The following KLRK1 variants were observed in gnomAD, a reference collection of about 807,000 sequenced individuals.
The protein encoded by KLRK1 is killer cell lectin like receptor K1.
In KLRK1, 40 loss-of-function variants were observed where a neutral mutation model predicts 31.3. The ratio of observed to expected loss-of-function variants is 1.28; its 90% CI spans 0.99 to 1.67. The LOEUF is 1.67. KLRK1 is among the 40% of genes most tolerant of loss of function. The pLI, the probability that KLRK1 is intolerant of heterozygous loss-of-function variation, is 0.00. For missense variants in KLRK1, 251 were observed against 260.0 expected, an observed-to-expected ratio of 0.97 and a Z score of 0.24; for synonymous variants, 77 against 77.3, an observed-to-expected ratio of 1.00 and a Z score of 0.02.
intron 3 of KLRK1, among the ~76,000 whole-genome samples, chr12:10,380,060 T>G (rs1239866729): frequency 1.7e-4 from 2 of 11,542 alleles, no homozygotes; most frequent in African/African-American, 2.9e-4. Context: ...GTTGTTATTG[T>G]TTTTTTTTTT....
Position 10,379,795 on chromosome 12 carries a change from G to T in KLRK1, c.149-3C>A. On this transcript the variant is annotated splice_region_variant and splice_polypyrimidine_tract_variant and intron_variant, in intron 3 of 7. Transcript: ENST00000240618. Reference sequence around the variant, plus strand: ...GCAGCAGAAAAAAAATGGAGATGCTGTCAAAGAAAAAAGACACAGATCAGA... The same window carrying T: ...GCAGCAGAAAAAAAATGGAGATGCTTTCAAAGAAAAAAGACACAGATCAGA... The T allele has an allele frequency of 6.2e-7, 1 of 1,609,568 alleles. No individual in the cohort carries two copies. Among genetic ancestry groups the T allele is most frequent in the Middle Eastern group, 1.7e-4 (1 of 6,022 alleles).
intron 7 of KLRK1, among the ~76,000 whole-genome samples, chr12:10,373,701 T>C (rs1448518642): frequency 8.1e-6 from 1 of 123,954 alleles, no homozygotes; most frequent in Non-Finnish European, 1.7e-5. Context: ...TATAAGTGTG[T>C]GTGTGTGTGT....
chr12:10,387,575 C>CTT (rs778380250), intron 2 of KLRK1, among the ~76,000 whole-genome samples: 2 of 142,824 alleles, frequency 1.4e-5, no homozygotes, highest in African/African-American at 2.6e-5. Context: ...TTCTTCTTTT[C>CTT]TTTTTTTTTT....
rs1863219439 is a variant in KLRK1, at chr12:10,388,878, G to C, written c.-65-3C>G. ...AGTCTTCAATGCACAAAGGATTCCTGAATAAAATAAAACTGGGCATTTGTT... is the reference window on the plus strand; with the variant it reads ...AGTCTTCAATGCACAAAGGATTCCTCAATAAAATAAAACTGGGCATTTGTT... On this transcript the variant is annotated splice_region_variant and splice_polypyrimidine_tract_variant and intron_variant, in intron 1 of 7. Transcript: ENST00000240618. The C allele has an allele frequency of 6.3e-7, 1 of 1,578,868 alleles. No individual in the cohort carries two copies. The highest frequency in any genetic ancestry group is 8.7e-7 in the Non-Finnish European group (1 of 1,152,410).
chr12:10,376,498 G>T (rs2733851), intron 7 of KLRK1, among the ~76,000 whole-genome samples: 1 of 151,910 alleles, frequency 6.6e-6, no homozygotes, highest in Admixed American at 6.6e-5. Flanking sequence ...GAAACAAAAA[G>T]TAGTATCTCA....
chr12:10,385,367 G>GACACACACACACACACACAC (rs3055416), intron 3 of KLRK1, among the ~76,000 whole-genome samples: 1,946 of 145,728 alleles, frequency 0.013, 53 homozygotes, highest in African/African-American at 0.046. Flanking sequence ...AGCACACACA[G>GACACACACACACACACACAC]ACACACACAC....
At chr12:10,382,866 AGTT>A (rs1863101257) in intron 3 of KLRK1, among the ~76,000 whole-genome samples, 3 of 152,170 alleles carry the variant, frequency 2.0e-5, no homozygotes. Flanking sequence ...TAAAGTGTAG[AGTT>A]GTTTAGTTTT....
Position 10,388,766 on chromosome 12 carries a change from C to T in KLRK1, c.40+5G>A. The T allele has an allele frequency of 6.2e-7, 1 of 1,613,638 alleles. No homozygotes were observed. Among genetic ancestry groups the T allele is most frequent in the South Asian group, 1.1e-5 (1 of 91,070 alleles). ...AAACTACACACTTATGTGGTAAAAA[C>T]ATACCCCAGCTGTGTCGAGACCTCC... On this transcript the variant is annotated splice_donor_5th_base_variant and intron_variant, in intron 2 of 7. Coordinates refer to ENST00000240618, the MANE Select transcript of KLRK1 (RefSeq NM_007360.4).
At chr12:10,385,806 G>A (rs1361251750) in intron 3 of KLRK1, among the ~76,000 whole-genome samples, 1 of 151,984 alleles carries the variant, frequency 6.6e-6, no homozygotes, top group East Asian at 1.9e-4. Context: ...GGTGATGGGT[G>A]TGCTAATTAC....
chr12:10,373,950 C>G (rs1352066822), intron 7 of KLRK1: 1 of 152,156 alleles, frequency 6.6e-6, no homozygotes. Flanking sequence ...ATGTAATGAT[C>G]TCTGTTCTGT....
Position 10,373,029 on chromosome 12 carries a change from T to A in KLRK1, c.*85A>T. ...TTGGTCATTTTGTCCTGTTTTTGTT[T>A]GTTTCCTTTAGTCTCAGTTGGCAGT... On this transcript the variant is annotated 3_prime_UTR_variant, in exon 8 of 8. Transcript: ENST00000240618. The A allele has an allele frequency of 8.1e-7, 1 of 1,227,386 alleles. No individual in the cohort carries two copies. Among genetic ancestry groups the A allele is most frequent in the Non-Finnish European group, 1.2e-6 (1 of 854,064 alleles). The allele number at this position is 1,227,386 out of a possible 1,614,324, so 76.0% of individuals were successfully genotyped here.
At chr12:10,379,843 G>C in intron 3 of KLRK1, 51 bp from the exon 4 acceptor site, 2 of 1,484,652 alleles carry the variant, frequency 1.3e-6, no homozygotes, top group Non-Finnish European at 1.8e-6. Context: ...AAAGGTTTGG[G>C]TATCTTTGTA....
chr12:10,382,858 A>C (rs1863100761), intron 3 of KLRK1, among the ~76,000 whole-genome samples: 1 of 152,186 alleles, frequency 6.6e-6, no homozygotes, highest in Non-Finnish European at 1.5e-5. Flanking sequence ...GATGGAGTTA[A>C]AGTGTAGAGT....
chr12:10,387,735 G>A (rs972251450), intron 2 of KLRK1, among the ~76,000 whole-genome samples: 28 of 151,944 alleles, frequency 1.8e-4, no homozygotes, highest in Middle Eastern at 6.8e-3. Flanking sequence ...TAGTACAGAC[G>A]GGGTTTCACC....
rs57195493 is a variant in KLRK1 at position 10,376,810 on chromosome 12, CTTAT to C, written c.533+1318_533+1321del. Among the ~76,000 whole-genome samples the C allele has an allele frequency of 4.3e-3, 649 of 149,824 alleles. 2 individuals are homozygous for C. The highest frequency in any genetic ancestry group is 0.015 in the African/African-American group (600 of 40,832). ...CATCATTTAGTGTGTCTGAAATTTA[CTTAT>C]TTATTTATTTATTTATTTATGAGAC... is the stretch of plus-strand genomic sequence containing the variant. On this transcript the variant is annotated intron_variant, in intron 7 of 7. Coordinates refer to ENST00000240618, the MANE Select transcript of KLRK1 (RefSeq NM_007360.4).
Position 10,379,487 on chromosome 12 carries a change from T to A in KLRK1, c.242-5A>T. ...GAACTTCTTGGTTGAATAATGCTAT[T>A]AAAATAACCATAAGTATTAAAAGTT... On this transcript the variant is annotated splice_region_variant and splice_polypyrimidine_tract_variant and intron_variant, in intron 4 of 7. Coordinates refer to ENST00000240618, the MANE Select transcript of KLRK1 (RefSeq NM_007360.4). The A allele has an allele frequency of 6.8e-7, 1 of 1,469,726 alleles. No homozygotes were observed. Among genetic ancestry groups the A allele is most frequent in the Non-Finnish European group, 9.3e-7 (1 of 1,074,816 alleles). The allele number at this position is 1,469,726 out of a possible 1,614,324, so 91.0% of individuals were successfully genotyped here. A position where few individuals can be genotyped will look rare whatever the true frequency, so the allele number is the denominator to read the frequency against.
In KLRK1 at chr12:10,375,830, G is replaced by T. The variant is rs76709223; in HGVS notation, c.533+2302C>A. Among the ~76,000 whole-genome samples, 271 of 152,242 alleles carry T rather than the reference G, an allele frequency of 1.8e-3. 1 individual carries two copies. Among genetic ancestry groups the T allele is most frequent in the Non-Finnish European group, 3.3e-3 (222 of 68,002 alleles). ...TGGAGAATTACAACTATATTCATAA[G>T]ATCAGTGAACATTAAGATGTTGTCA... On this transcript the variant is annotated intron_variant, in intron 7 of 7. Coordinates refer to ENST00000240618, the MANE Select transcript of KLRK1 (RefSeq NM_007360.4).
rs1863008477 is a variant in KLRK1 at position 10,378,574 on chromosome 12, C to G, written c.409G>C (p.Val137Leu). The change falls in exon 6 of 8, where the codon GTA (valine) becomes CTA (leucine). Residue 137 changes from valine (V) to leucine (L), a missense_variant. Val to Leu is a conservative substitution (Grantham distance 32). Transcript: ENST00000240618. ...TCAACCTGGTCCTCTTTGCTGTATA[C>G]TTTCAGAAGGCTGGCATTTTGAGAC... is the stretch of plus-strand genomic sequence containing the variant. ...CMSQNASLLK[V>L]YSKEDQDLLK... 6.2e-7 allele frequency: 1 copy of G among 1,612,454 alleles called. No individual in the cohort carries two copies. Among genetic ancestry groups the G allele is most frequent in the Non-Finnish European group, 8.5e-7 (1 of 1,179,682 alleles).
Position 10,388,770 on chromosome 12 carries a change from C to T in KLRK1, c.40+1G>A. The T allele has an allele frequency of 1.2e-6, 2 of 1,613,818 alleles. No homozygotes were observed. The highest frequency in any genetic ancestry group is 1.7e-6 in the Non-Finnish European group (2 of 1,179,912). ...TACACACTTATGTGGTAAAAACATA[C>T]CCCAGCTGTGTCGAGACCTCCGACC... On this transcript the variant is annotated splice_donor_variant, in intron 2 of 7. Transcript: ENST00000240618. LOFTEE classifies it high-confidence loss of function.
Sources: gnomAD v4.1 joint callset for allele counts (sites outside exome capture counted in the v4.1 genomes callset) on GRCh38, gnomAD v4.1.1 for gene constraint, MANE v1.5 for transcripts, NCBI Gene and HGNC (gene_info 2026-07-23, HGNC 2026-07-21) for gene names.